The following MTOR variants were observed in gnomAD, a reference collection of about 807,000 sequenced individuals.
MTOR encodes serine/threonine-protein kinase mTOR.
A neutral mutation model predicts 319.8 loss-of-function variants in MTOR; 70 were observed. The observed-to-expected ratio is 0.22, with a 90% confidence interval of 0.18 to 0.27. The LOEUF (loss-of-function observed/expected upper bound fraction) is 0.27, where lower values mean the gene tolerates loss of function less well. MTOR is among the 10% of genes least tolerant of loss of function. The probability of loss-of-function intolerance (pLI) is 1.00; values close to 1 mark genes in which losing one functional copy is unlikely to be tolerated. For missense variants in MTOR, 1,890 were observed against 3,274.4 expected, an observed-to-expected ratio of 0.58 and a Z score of 10.32; for synonymous variants, 1,183 against 1,211.4, an observed-to-expected ratio of 0.98 and a Z score of 0.49.
At chr1:11,188,805 C>T (rs1645406261) in intron 28 of MTOR, among the ~76,000 whole-genome samples, 1 of 152,124 alleles carries the variant, frequency 6.6e-6, no homozygotes, top group Non-Finnish European at 1.5e-5. Context: ...TGGAAGATTT[C>T]AAATGTGAGA....
intron 1 of MTOR, among the ~76,000 whole-genome samples, chr1:11,260,767 A>G (rs1651007548): frequency 6.6e-6 from 1 of 151,716 alleles, no homozygotes; most frequent in Non-Finnish European, 1.5e-5. Context: ...TTACACTTAC[A>G]ACAATGTCAA....
At chr1:11,137,690 A>T (rs1286734765) in intron 36 of MTOR, among the ~76,000 whole-genome samples, 1 of 152,174 alleles carries the variant, frequency 6.6e-6, no homozygotes, top group Non-Finnish European at 1.5e-5. Flanking sequence ...TGTGGGCAAG[A>T]ACAATGGCCT....
chr1:11,202,028 A>G (rs1229609289), intron 26 of MTOR, among the ~76,000 whole-genome samples: 1 of 151,390 alleles, frequency 6.6e-6, no homozygotes, highest in Non-Finnish European at 1.5e-5. Flanking sequence ...CTGGTCTTGA[A>G]CTCTTGGCCT....
At chr1:11,258,463 T>G (rs1449852480) in intron 3 of MTOR, 22 bp downstream of exon 3, 1 of 1,555,694 alleles carries the variant, frequency 6.4e-7, no homozygotes, top group African/African-American at 1.4e-5. Flanking sequence ...GTTGTTTTTG[T>G]GACCAGAGAC....
Position 11,128,237 on chromosome 1 carries a change from G to A in MTOR, c.5911-111C>T. ...AGTGGTGAGTGTGACATTAACATCT[G>A]CTTGAGACTACCAGGAAGGGGCTCA... On this transcript the variant is annotated intron_variant, in intron 42 of 57. Transcript: ENST00000361445. The surrounding 1 kb of genome is among the most constrained non-coding windows in gnomAD (Gnocchi z 5.3). 1 of 1,454,202 alleles carries A rather than the reference G, an allele frequency of 6.9e-7. No homozygotes were observed. The highest frequency in any genetic ancestry group is 1.9e-5 in the Admixed American group (1 of 52,386). The allele number at this position is 1,454,202 out of a possible 1,614,324, so 90.1% of individuals were successfully genotyped here.
At chr1:11,191,360 G>A (rs548875173) in intron 28 of MTOR, among the ~76,000 whole-genome samples, 189 of 152,250 alleles carry the variant, frequency 1.2e-3, no homozygotes, top group African/African-American at 1.2e-3. Flanking sequence ...GAAGGCACAC[G>A]TACTCTACCT....
Position 11,107,379 on chromosome 1 carries a change from T to C in MTOR, c.*106A>G. On this transcript the variant is annotated 3_prime_UTR_variant, in exon 58 of 58. Coordinates refer to ENST00000361445, the MANE Select transcript of MTOR (RefSeq NM_004958.4). ...AGTTCTTTTCATTTACATTTCAAAA[T>C]ATTTAACAAAGTCAAACTTTCTCAC... The C allele has an allele frequency of 6.4e-7, 1 of 1,561,316 alleles. No homozygotes were observed.
Position 11,127,542 on chromosome 1 carries a change from T to C in MTOR, c.6216+82A>G. On this transcript the variant is annotated intron_variant, in intron 44 of 57. Transcript: ENST00000361445. This position sits in a 1 kb window ranked among gnomAD's most constrained non-coding sequence, Gnocchi z 5.5. ...CCTTGGGTCACGTCCTTTCATTCTA[T>C]AAAAACTTTTCTCATTTCATTTTTT... 1.3e-6 allele frequency: 2 copies of C among 1,490,704 alleles called. No individual in the cohort carries two copies. The highest frequency in any genetic ancestry group is 1.8e-6 in the Non-Finnish European group (2 of 1,110,728). 92.3% of individuals were successfully genotyped at this position (1,490,704 alleles called of 1,614,324 possible). A position where few individuals can be genotyped will look rare whatever the true frequency, so the allele number is the denominator to read the frequency against.
At chr1:11,250,165 G>A (rs1048794991) in intron 6 of MTOR, among the ~76,000 whole-genome samples, 1 of 139,026 alleles carries the variant, frequency 7.2e-6, no homozygotes, top group East Asian at 2.4e-4. Context: ...GCGGCTGGCC[G>A]GGCGGGGGGC....
intron 8 of MTOR, among the ~76,000 whole-genome samples, chr1:11,247,279 C>T (rs774484090): frequency 2.4e-4 from 37 of 152,180 alleles, no homozygotes; most frequent in Non-Finnish European, 4.4e-4. Flanking sequence ...GCAGGACGAT[C>T]CCCAAACCCT....
chr1:11,223,427 T>C (rs1193331164), intron 19 of MTOR, among the ~76,000 whole-genome samples: 1 of 152,158 alleles, frequency 6.6e-6, no homozygotes, highest in Non-Finnish European at 1.5e-5. Context: ...ATGATACCTG[T>C]AATTTGCTTT....
intron 19 of MTOR, among the ~76,000 whole-genome samples, chr1:11,224,078 TAAAA>T (rs1210745657): frequency 6.7e-6 from 1 of 148,650 alleles, no homozygotes; most frequent in Non-Finnish European, 1.5e-5. Flanking sequence ...TAAAATAAAA[TAAAA>T]TAAATAGGCC....
rs778280479 is a variant in MTOR at position 11,240,376 on chromosome 1, C to G, written c.1713G>C (p.Thr571=). ...CCACATCGCTGGCCTCAGGGAGGGT[C>G]GTGAGGCCAGGAGAGGCCAGCTGAT... ...LAHQLASPGL[T]TLPEASDVGS... Residue 571 remains threonine, a synonymous_variant, in exon 11 of 58, where the codon ACG becomes ACC. Transcript: ENST00000361445. 3.1e-6 allele frequency: 5 copies of G among 1,613,870 alleles called. No individual in the cohort carries two copies. The Admixed American group carries it at 8.3e-5, about 27-fold the overall frequency.
At chr1:11,164,973 A>G (rs1644597046) in intron 29 of MTOR, among the ~76,000 whole-genome samples, 1 of 152,244 alleles carries the variant, frequency 6.6e-6, no homozygotes, top group African/African-American at 2.4e-5. Flanking sequence ...GTAATCCATC[A>G]TATAAACAGA....
chr1:11,191,032 C>T (rs193162099), intron 28 of MTOR, among the ~76,000 whole-genome samples: 95 of 152,288 alleles, frequency 6.2e-4, no homozygotes, highest in Admixed American at 3.6e-3. Context: ...GGCCATTTTC[C>T]AGACAAGTGA....
At chr1:11,213,780 C>T (rs1036705588) in intron 20 of MTOR, among the ~76,000 whole-genome samples, 1 of 152,194 alleles carries the variant, frequency 6.6e-6, no homozygotes, top group African/African-American at 2.4e-5. Context: ...ATGCACCAGG[C>T]TACCTCAGTC....
intron 29 of MTOR, among the ~76,000 whole-genome samples, chr1:11,166,509 G>A (rs1199683596): frequency 1.3e-5 from 2 of 152,092 alleles, no homozygotes; most frequent in African/African-American, 4.8e-5. Flanking sequence ...CTCATCACTG[G>A]CCATCAGAGA....
At position 11,146,694 on chromosome 1, in the gene MTOR, G is replaced by C; in HGVS notation, c.4668C>G (p.Leu1556=). Residue 1556 remains leucine, a synonymous_variant, in exon 32 of 58, where the codon CTC becomes CTG. Transcript: ENST00000361445. ...TTTTTACCTGTTGTGCCAAGGAGAAGAGGTCCTGATGCAGTGCCAGCACAG... is the reference window on the plus strand; with the variant it reads ...TTTTTACCTGTTGTGCCAAGGAGAACAGGTCCTGATGCAGTGCCAGCACAG... ...YRAVLALHQD[L]FSLAQQCIDK... 6.2e-7 allele frequency: 1 copy of C among 1,614,092 alleles called. No homozygotes were observed. Among genetic ancestry groups the C allele is most frequent in the Non-Finnish European group, 8.5e-7 (1 of 1,179,954 alleles).
chr1:11,202,952 C>A (rs1646026509), intron 26 of MTOR, among the ~76,000 whole-genome samples: 2 of 151,920 alleles, frequency 1.3e-5, no homozygotes, highest in South Asian at 4.2e-4. Context: ...GTGGCTCACG[C>A]CTGTAATCCC....
Sources: gnomAD v4.1 joint callset for allele counts (sites outside exome capture counted in the v4.1 genomes callset) on GRCh38, gnomAD v4.1.1 for gene constraint, Gnocchi (gnomAD v3.1) non-coding constraint, MANE v1.5 for transcripts, NCBI Gene and HGNC (gene_info 2026-07-23, HGNC 2026-07-21) for gene names.